Variants in FARP1 observed in about 807,000 individuals in gnomAD.
FARP1 encodes the protein FERM, ARHGEF and pleckstrin domain-containing protein 1.
FARP1 carries 52 observed loss-of-function variants against 128.8 expected under a neutral mutation model. That is an observed-to-expected ratio of 0.40 (90% CI 0.32 to 0.51). The LOEUF (loss-of-function observed/expected upper bound fraction) is 0.51. Among genes scored for constraint, FARP1 ranks in the 20% least tolerant of loss-of-function variants. FARP1 has a pLI of 0.45. For missense variants in FARP1, 1,333 were observed against 1,367.9 expected, an observed-to-expected ratio of 0.97 and a Z score of 0.40; for synonymous variants, 580 against 551.8, an observed-to-expected ratio of 1.05 and a Z score of -0.72.
chr13:98,188,486 T>C (rs1879025404), intron 1 of FARP1, among the ~76,000 whole-genome samples: 1 of 151,996 alleles, frequency 6.6e-6, no homozygotes, highest in African/African-American at 2.4e-5. Context: ...GCTTGAATCC[T>C]GGAGGTGGAG....
chr13:98,196,991 T>C (rs1879602593), intron 1 of FARP1, among the ~76,000 whole-genome samples: 1 of 152,252 alleles, frequency 6.6e-6, no homozygotes, highest in Non-Finnish European at 1.5e-5. Context: ...TGGCTTATAA[T>C]AATACTGCAT....
intron 1 of FARP1, among the ~76,000 whole-genome samples, chr13:98,168,783 G>A (rs1414299696): frequency 1.3e-5 from 2 of 152,172 alleles, no homozygotes; most frequent in Non-Finnish European, 2.9e-5. Flanking sequence ...GGATTTGTTA[G>A]AAGATCAGAA....
At chr13:98,231,837 A>T (rs1882131745) in intron 2 of FARP1, among the ~76,000 whole-genome samples, 1 of 151,764 alleles carries the variant, frequency 6.6e-6, no homozygotes, top group South Asian at 2.1e-4. Flanking sequence ...TTTTTATTTA[A>T]TTTTTTTGAG....
chr13:98,322,191 C>T (rs1397400881), intron 2 of FARP1, among the ~76,000 whole-genome samples: 3 of 152,074 alleles, frequency 2.0e-5, no homozygotes, highest in African/African-American at 4.8e-5. Flanking sequence ...CCAGCTACTC[C>T]GGAGGCTGAG....
At chr13:98,184,290 G>C (rs1594243392) in intron 1 of FARP1, among the ~76,000 whole-genome samples, 2 of 152,070 alleles carry the variant, frequency 1.3e-5, no homozygotes, top group Non-Finnish European at 2.9e-5. Flanking sequence ...GCTAATTTTT[G>C]TATTTTTAGT....
intron 2 of FARP1, among the ~76,000 whole-genome samples, chr13:98,264,069 C>G (rs551168549): frequency 6.6e-6 from 1 of 152,310 alleles, no homozygotes; most frequent in Non-Finnish European, 1.5e-5. Context: ...GGGCACAAGG[C>G]AGGCATAGCC....
At chr13:98,368,679 T>C (rs1383067097) in intron 5 of FARP1, among the ~76,000 whole-genome samples, 2 of 152,312 alleles carry the variant, frequency 1.3e-5, no homozygotes, top group East Asian at 3.9e-4. Flanking sequence ...GCCAGTTACT[T>C]TCTCCCTTTG....
At chr13:98,200,113 G>A (rs1468469403) in intron 1 of FARP1, among the ~76,000 whole-genome samples, 5 of 152,194 alleles carry the variant, frequency 3.3e-5, no homozygotes, top group Admixed American at 3.3e-4. Flanking sequence ...CAAGGTTGGA[G>A]TAGAAATTAA....
At chr13:98,444,507 T>A (rs369497418) in intron 24 of FARP1, among the ~76,000 whole-genome samples, 1 of 152,270 alleles carries the variant, frequency 6.6e-6, no homozygotes, top group East Asian at 1.9e-4. Flanking sequence ...CAGCATGGCC[T>A]CGGCCTCCTG....
intron 16 of FARP1, among the ~76,000 whole-genome samples, chr13:98,413,910 T>C (rs1024241802): frequency 6.6e-6 from 1 of 152,194 alleles, no homozygotes; most frequent in Non-Finnish European, 1.5e-5. Context: ...GATGTCACTA[T>C]AGCAGTCTCA....
chr13:98,144,741 C>A (rs963145714), intron 1 of FARP1, among the ~76,000 whole-genome samples: 1 of 152,224 alleles, frequency 6.6e-6, no homozygotes, highest in African/African-American at 2.4e-5. Flanking sequence ...AAAGAAACAT[C>A]TTTCTGGTCC....
chr13:98,195,391 G>T (rs1362332656), intron 1 of FARP1, among the ~76,000 whole-genome samples: 2 of 152,182 alleles, frequency 1.3e-5, no homozygotes, highest in African/African-American at 4.8e-5. Flanking sequence ...TTGTTTGTTT[G>T]TTTGGTTGGT....
rs375833462 is a variant in FARP1 at position 98,352,030 on chromosome 13, A to AGGT, written c.276+8179_276+8181dup. Among the ~76,000 whole-genome samples, 26 of 152,290 alleles carry AGGT rather than the reference A, an allele frequency of 1.7e-4. 1 individual carries two copies. The highest frequency in any genetic ancestry group is 3.6e-4 in the African/African-American group (15 of 41,564). ...TCAAAATGGATATGCAGTTCTAAGA[A>AGGT]GGTGGTGGTGGTGGTGGAAGCATAG... On this transcript the variant is annotated intron_variant, in intron 3 of 26. Transcript: ENST00000319562.
In FARP1 at chr13:98,449,602, T is replaced by A. The variant is rs1055723712; in HGVS notation, c.*1285T>A. ...CAGGAACGCACCCTCTCTGTGGAGC[T>A]CTGACTGGTGTAGCTGGAAACAAAC... is the stretch of plus-strand genomic sequence containing the variant. On this transcript the variant is annotated 3_prime_UTR_variant, in exon 27 of 27. Transcript: ENST00000319562. 1.3e-5 allele frequency: 2 copies of A among 152,494 alleles called. No homozygotes were observed. Among genetic ancestry groups the A allele is most frequent in the Non-Finnish European group, 2.9e-5 (2 of 68,052 alleles). The allele number at this position is 152,494 out of a possible 1,614,324, so 9.4% of individuals were successfully genotyped here. A position where few individuals can be genotyped will look rare whatever the true frequency, so the allele number is the denominator to read the frequency against.
intron 1 of FARP1, among the ~76,000 whole-genome samples, chr13:98,210,519 C>T (rs554461159): frequency 6.6e-6 from 1 of 151,454 alleles, no homozygotes; most frequent in Admixed American, 6.6e-5. Context: ...CAAACTTTCT[C>T]ATCAGTGTTG....
At chr13:98,432,199 C>T (rs1419455294) in intron 18 of FARP1, 1 of 152,290 alleles carries the variant, frequency 6.6e-6, no homozygotes, top group East Asian at 1.9e-4. Flanking sequence ...ACCGTCCTGC[C>T]CTTCTATCTC....
intron 1 of FARP1, among the ~76,000 whole-genome samples, chr13:98,167,709 C>G (rs114298477): frequency 6.6e-6 from 1 of 152,004 alleles, no homozygotes. Flanking sequence ...TGCGCCTGGC[C>G]GCAAACAGTT....
chr13:98,392,080 C>T (rs962186908), intron 11 of FARP1, among the ~76,000 whole-genome samples: 2 of 151,860 alleles, frequency 1.3e-5, no homozygotes, highest in African/African-American at 2.4e-5. Flanking sequence ...CATGGTAAAA[C>T]CCCCTTGAAC....
intron 1 of FARP1, among the ~76,000 whole-genome samples, chr13:98,174,140 A>G (rs1450282806): frequency 2.0e-5 from 3 of 152,216 alleles, no homozygotes; most frequent in East Asian, 1.9e-4. Flanking sequence ...TACCCACTCT[A>G]TGTTAGTAAA....
Sources: allele counts gnomAD v4.1 joint callset (sites outside exome capture counted in the v4.1 genomes callset), GRCh38; gene constraint gnomAD v4.1.1; transcripts MANE v1.5; gene names NCBI Gene and HGNC (gene_info 2026-07-23, HGNC 2026-07-21).